AMPD3: variants seen among roughly 807,000 people sequenced by gnomAD.
AMPD3 encodes adenosine monophosphate deaminase 3, also known as AMP deaminase 3.
A neutral mutation model predicts 82.3 loss-of-function variants in AMPD3; 57 were observed. That is an observed-to-expected ratio of 0.69 (90% CI 0.56 to 0.86). AMPD3 has a LOEUF of 0.86. Among genes scored for constraint, AMPD3 ranks in the 40% least tolerant of loss-of-function variants. AMPD3 has a pLI of 0.00. For missense variants in AMPD3, 870 were observed against 1,003.8 expected (o/e 0.87, Z 1.80); for synonymous variants, 381 against 394.7 (o/e 0.97, Z 0.41).
At chr11:10,451,588 T>C (rs1037563650), upstream of AMPD3, among the ~76,000 whole-genome samples, 1 of 152,246 alleles carries the variant, frequency 6.6e-6, no homozygotes, top group African/African-American at 2.4e-5. Flanking sequence ...ATGGCTGTTG[T>C]AGGCTGGCAG....
chr11:10,495,554 G>C lies in AMPD3; in HGVS notation c.1267-16G>C. On this transcript the variant is annotated splice_polypyrimidine_tract_variant and intron_variant, in intron 8 of 14. Transcript: ENST00000396553. ...CTGGGATGCACTGGGGCTGACCCAA[G>C]CTCTTCTTGTGCCAGGAGGTTGCCC... 6.2e-7 allele frequency: 1 copy of C among 1,612,504 alleles called. No homozygotes were observed. Among genetic ancestry groups the C allele is most frequent in the Non-Finnish European group, 8.5e-7 (1 of 1,180,030 alleles).
At chr11:10,499,696 G>A (rs369362673) in intron 10 of AMPD3, 17 of 985,248 alleles carry the variant, frequency 1.7e-5, no homozygotes, top group East Asian at 1.1e-4. Context: ...TTCCCTCATC[G>A]CTTGTCGCTG....
At chr11:10,482,299 C>T (rs1166021158) in intron 4 of AMPD3, 74 bp downstream of exon 4, 33 of 1,528,182 alleles carry the variant, frequency 2.2e-5, no homozygotes, top group South Asian at 1.0e-4. Flanking sequence ...TTTTCTGGCT[C>T]GGTCTATTTC....
At chr11:10,455,803 G>T in intron 1 of AMPD3, 1 of 559,672 alleles carries the variant, frequency 1.8e-6, no homozygotes, top group Non-Finnish European at 2.3e-6. Flanking sequence ...CAGTTATGGG[G>T]TGCCCTTGGG....
In AMPD3 at chr11:10,493,335, G is replaced by A; in HGVS notation, c.940-14G>A. ...GGTGGCCTGACTCAGGGCCTGGTGG[G>A]CGCTGTGTTCCAGGTGGACACACAC... On this transcript the variant is annotated splice_polypyrimidine_tract_variant and intron_variant, in intron 6 of 14. Coordinates refer to ENST00000396553, the MANE Select transcript of AMPD3 (RefSeq NM_001025389.2). The A allele has an allele frequency of 6.2e-7, 1 of 1,613,954 alleles. No homozygotes were observed. The highest frequency in any genetic ancestry group is 8.5e-7 in the Non-Finnish European group (1 of 1,180,024).
chr11:10,478,319 G>A (rs2133876534), intron 2 of AMPD3: 1 of 985,442 alleles, frequency 1.0e-6, no homozygotes, highest in Non-Finnish European at 1.2e-6. Flanking sequence ...GGTGACCACA[G>A]GTAGGGGTGT....
intron 1 of AMPD3, among the ~76,000 whole-genome samples, chr11:10,457,275 G>T (rs1591436320): frequency 6.6e-6 from 1 of 152,028 alleles, no homozygotes; most frequent in East Asian, 1.9e-4. Context: ...ACTGCACCCG[G>T]TCTTGGAATG....
At chr11:10,493,321 T>TCA in intron 6 of AMPD3, 28 bp from the exon 7 acceptor site, 2 of 1,613,610 alleles carry the variant, frequency 1.2e-6, no homozygotes, top group South Asian at 2.2e-5. Flanking sequence ...GTGGCCTGAC[T>TCA]CAGGGCCTGG....
rs1849589136 is a variant in AMPD3, at chr11:10,501,815, A to C, written c.1842+225A>C. 5 of 982,448 alleles carry C rather than the reference A, an allele frequency of 5.1e-6. No homozygotes were observed. In the South Asian group the frequency reaches 2.4e-4, roughly 46 times the overall value. The allele number at this position is 982,448 out of a possible 1,614,324, so 60.9% of individuals were successfully genotyped here. On this transcript the variant is annotated intron_variant, in intron 12 of 14. Transcript: ENST00000396553. The stretch of plus-strand genomic sequence containing the variant: ...AAAAAGCCAGCCCTTATGCTATTAC[A>C]TTAATAGAAATAGCCATTATTAGCT...
intron 2 of AMPD3, among the ~76,000 whole-genome samples, chr11:10,470,779 G>C (rs1385538801): frequency 2.6e-5 from 4 of 152,120 alleles, no homozygotes; most frequent in African/African-American, 4.8e-5. Flanking sequence ...TCTTCAAGGA[G>C]AATTACAAAC....
rs780915004 is a variant in AMPD3 at position 10,493,460 on chromosome 11, C to T, written c.1051C>T (p.Arg351Trp). 1.2e-5 allele frequency: 20 copies of T among 1,614,036 alleles called. No individual in the cohort carries two copies. The highest frequency in any genetic ancestry group is 8.0e-5 in the African/African-American group (6 of 74,902). Residue 351 changes from arginine (R) to tryptophan (W), a missense_variant, in exon 7 of 15, where the codon CGG becomes TGG. Coordinates refer to ENST00000396553, the MANE Select transcript of AMPD3 (RefSeq NM_001025389.2). ...PDRTVAEKRG[R>W]KITLRQVFDG... ...CAGGACTGTGGCAGAGAAGCGGGGC[C>T]GGAAGATCACCCTGCGGCAGGTGTT...
intron 14 of AMPD3, 110 bp downstream of exon 14, chr11:10,504,769 C>T: frequency 2.0e-6 from 2 of 1,024,666 alleles, no homozygotes; most frequent in Admixed American, 1.8e-5. Context: ...GGCAGGGCCT[C>T]TGAGACACTC....
chr11:10,459,061 C>T (rs766702284), intron 1 of AMPD3, among the ~76,000 whole-genome samples: 1 of 152,110 alleles, frequency 6.6e-6, no homozygotes, highest in Non-Finnish European at 1.5e-5. Flanking sequence ...CCAGCTTCCC[C>T]CCTCTCTGCT....
At chr11:10,466,893 G>T (rs1848437720) in intron 2 of AMPD3, among the ~76,000 whole-genome samples, 1 of 152,228 alleles carries the variant, frequency 6.6e-6, no homozygotes. Context: ...GTGACACCCA[G>T]CCAAACAGGG....
upstream of AMPD3, chr11:10,450,725 A>T: frequency 9.1e-7 from 1 of 1,098,238 alleles, no homozygotes; most frequent in Non-Finnish European, 1.1e-6. Context: ...CGGGCGCTTC[A>T]GGTAGCCTCT....
chr11:10,494,614 C>A (rs1849336441), intron 7 of AMPD3: 1 of 985,350 alleles, frequency 1.0e-6, no homozygotes, highest in Non-Finnish European at 1.2e-6. Context: ...AGTGGTGCAG[C>A]CTCTCTGCTC....
chr11:10,464,275 T>A (rs973526065), intron 2 of AMPD3, among the ~76,000 whole-genome samples: 6 of 152,226 alleles, frequency 3.9e-5, no homozygotes, highest in African/African-American at 1.2e-4. Context: ...TAGGTTGGAT[T>A]CATTCTTTAA....
In AMPD3 at chr11:10,507,358, A is replaced by G. The variant is rs1423674679; in HGVS notation, c.*1474A>G. 2 of 152,220 alleles carry G rather than the reference A, an allele frequency of 1.3e-5. No homozygotes were observed. The highest frequency in any genetic ancestry group is 4.8e-5 in the African/African-American group (2 of 41,446). 9.4% of individuals were successfully genotyped at this position (152,220 alleles called of 1,614,324 possible). ...CTCCACTGGTCAATTCAGCATATGG[A>G]AGTATAAATGCAGTCTTTTTACTAG... On this transcript the variant is annotated 3_prime_UTR_variant, in exon 15 of 15. Coordinates refer to ENST00000396553, the MANE Select transcript of AMPD3 (RefSeq NM_001025389.2).
intron 2 of AMPD3, among the ~76,000 whole-genome samples, chr11:10,469,810 C>T (rs10840421): frequency 0.25 from 37,291 of 151,686 alleles, 5,090 homozygotes; most frequent in East Asian, 0.66. Flanking sequence ...GAGGCCGAGG[C>T]GGGCAGATCA....
Sources: gnomAD v4.1 joint callset for allele counts (sites outside exome capture counted in the v4.1 genomes callset) on GRCh38, gnomAD v4.1.1 for gene constraint, MANE v1.5 for transcripts, NCBI Gene and HGNC (gene_info 2026-07-23, HGNC 2026-07-21) for gene names.